GTF2F1: variants seen among roughly 807,000 people sequenced by gnomAD.
GTF2F1 encodes general transcription factor IIF 74 kDa subunit.
GTF2F1 carries 39 observed loss-of-function variants against 63.5 expected under a neutral mutation model. The observed-to-expected ratio is 0.61, with a 90% CI of 0.48 to 0.80. The LOEUF is 0.80. Ranked by LOEUF, GTF2F1 falls within the 30% of genes least tolerant of loss-of-function variation. The pLI, the probability that GTF2F1 is intolerant of heterozygous loss-of-function variation, is 0.00. For synonymous variants in GTF2F1, 287 were observed against 285.3 expected, an observed-to-expected ratio of 1.01 and a Z score of -0.06; for missense variants, 657 against 718.3, an observed-to-expected ratio of 0.91 and a Z score of 0.97.
chr19:6,389,945 A>G (rs1295240934), intron 3 of GTF2F1, among the ~76,000 whole-genome samples: 1 of 152,258 alleles, frequency 6.6e-6, no homozygotes, highest in African/African-American at 2.4e-5. Context: ...TGAGGAATGT[A>G]GAAGTAATTA....
rs776078092 is a variant in GTF2F1 at position 6,380,911 on chromosome 19, G to A, written c.1224C>T (p.Leu408=). The part of the protein sequence containing the change: ...SSTLRAAASK[L]EQGKRVSEMP... ...GAGGCCACGGGCACTCACCTTGCTC[G>A]AGTTTGCTGGCAGCCGCCCGCAGGG... Residue 408 remains leucine, a synonymous_variant, in exon 11 of 13, where the codon CTC becomes CTT. Coordinates refer to ENST00000394456, the MANE Select transcript of GTF2F1 (RefSeq NM_002096.3). The surrounding 1 kb of genome is among the most constrained non-coding windows in gnomAD (Gnocchi z 5.3). 8 of 1,563,444 alleles carry A rather than the reference G, an allele frequency of 5.1e-6. No individual in the cohort carries two copies. The highest frequency in any genetic ancestry group is 3.5e-5 in the South Asian group (3 of 85,708).
chr19:6,382,648 A>G (rs1258892685), intron 6 of GTF2F1, among the ~76,000 whole-genome samples: 1 of 141,730 alleles, frequency 7.1e-6, no homozygotes, highest in Non-Finnish European at 1.5e-5. Context: ...AAAAAAAAAA[A>G]TTAGCCGGGT....
intron 2 of GTF2F1, among the ~76,000 whole-genome samples, 192 bp downstream of exon 2, chr19:6,392,665 A>T (rs1182985319): frequency 2.0e-5 from 3 of 152,196 alleles, no homozygotes; most frequent in Non-Finnish European, 4.4e-5. Flanking sequence ...TAATGCACTC[A>T]TTCATTCATT....
In GTF2F1 at chr19:6,379,918, G is replaced by A. The variant is rs1422292386; in HGVS notation, c.*363C>T. ...ACTTACTGGGCTATGTGGTGGATAA[G>A]TCACAGCTGAAGAGAGACTTAGGGA... On this transcript the variant is annotated 3_prime_UTR_variant, in exon 13 of 13. Coordinates refer to ENST00000394456, the MANE Select transcript of GTF2F1 (RefSeq NM_002096.3). The A allele has an allele frequency of 6.2e-6, 2 of 323,960 alleles. No individual in the cohort carries two copies. The highest frequency in any genetic ancestry group is 4.2e-5 in the African/African-American group (2 of 47,204). 20.1% of individuals were successfully genotyped at this position (323,960 alleles called of 1,614,324 possible).
intron 3 of GTF2F1, among the ~76,000 whole-genome samples, chr19:6,391,439 GTTTTTTTTTTTT>G (rs11340944): frequency 0.014 from 1,264 of 87,324 alleles, 20 homozygotes; most frequent in African/African-American, 0.04. Flanking sequence ...TGCCATTTCC[GTTTTTTTTTTTT>G]TTTTTTTTTT....
In GTF2F1 at chr19:6,383,297, G is replaced by A. The variant is rs2091960768; in HGVS notation, c.682+14C>T. 1.2e-6 allele frequency: 2 copies of A among 1,611,958 alleles called. No individual in the cohort carries two copies. Among genetic ancestry groups the A allele is most frequent in the Non-Finnish European group, 8.5e-7 (1 of 1,178,864 alleles). On this transcript the variant is annotated intron_variant, in intron 6 of 12. Transcript: ENST00000394456. This position sits in a 1 kb window ranked among gnomAD's most constrained non-coding sequence, Gnocchi z 4.5. ...GGCACCTCTGTGACCTAATGCCCAG[G>A]CGCCCGTACTCACCCTCCTCACCAC...
chr19:6,383,428 C>CGTCCTG lies in GTF2F1; in HGVS notation c.559_564dup (p.Gln187_Asp188dup). 1 of 1,614,234 alleles carries CGTCCTG rather than the reference C, an allele frequency of 6.2e-7. No homozygotes were observed. Among genetic ancestry groups the CGTCCTG allele is most frequent in the Non-Finnish European group, 8.5e-7 (1 of 1,180,034 alleles). On this transcript the variant is annotated inframe_insertion, in exon 6 of 13. Coordinates refer to ENST00000394456, the MANE Select transcript of GTF2F1 (RefSeq NM_002096.3). This position sits in a 1 kb window ranked among gnomAD's most constrained non-coding sequence, Gnocchi z 4.5. The stretch of plus-strand genomic sequence containing the variant: ...CGTTTCTCCTTCTCCTCCTCATCCT[C>CGTCCTG]GTCCTGGTCCTGATCCTTGAGCCGC...
Position 6,380,699 on chromosome 19 carries a change from G to A in GTF2F1, c.1232-9C>T. 1 of 1,608,890 alleles carries A rather than the reference G, an allele frequency of 6.2e-7. No individual in the cohort carries two copies. Among genetic ancestry groups the A allele is most frequent in the South Asian group, 1.1e-5 (1 of 91,046 alleles). On this transcript the variant is annotated splice_polypyrimidine_tract_variant and intron_variant, in intron 11 of 12. Transcript: ENST00000394456. The surrounding 1 kb of genome is among the most constrained non-coding windows in gnomAD (Gnocchi z 5.3). ...CTCGCTCACCCGCTTCCCTGTGGGAGTGGGGTCAGGGCTGAGTCTTGCAGG... is the reference window on the plus strand; with the variant it reads ...CTCGCTCACCCGCTTCCCTGTGGGAATGGGGTCAGGGCTGAGTCTTGCAGG...
rs779139986 is a variant in GTF2F1 at position 6,392,887 on chromosome 19, T to A, written c.29A>T (p.Asn10Ile). Residue 10 changes from asparagine (N) to isoleucine (I), a missense_variant, in exon 2 of 13, where the codon AAT becomes ATT. Asn to Ile is a moderately radical substitution (Grantham distance 149). Coordinates refer to ENST00000394456, the MANE Select transcript of GTF2F1 (RefSeq NM_002096.3). MAALGPSSQ[N>I]VTEYVVRVPK... ...AACTCGAACGACGTATTCAGTGACA[T>A]TCTGGCTGCTAGGGCCCTGCGGAAA... The A allele has an allele frequency of 6.2e-7, 1 of 1,614,132 alleles. No homozygotes were observed. The highest frequency in any genetic ancestry group is 2.2e-5 in the East Asian group (1 of 44,874).
intron 4 of GTF2F1, among the ~76,000 whole-genome samples, chr19:6,388,450 C>G (rs1054478129): frequency 2.0e-5 from 3 of 152,206 alleles, no homozygotes; most frequent in African/African-American, 7.2e-5. Flanking sequence ...CTGTGTCTGT[C>G]ACTATCACCC....
chr19:6,385,324 C>G (rs546547774), intron 5 of GTF2F1, among the ~76,000 whole-genome samples: 1 of 133,852 alleles, frequency 7.5e-6, no homozygotes, highest in South Asian at 2.4e-4. Context: ...CCCAGGAGGT[C>G]GAGGTTGCAA....
At chr19:6,384,055 C>T (rs144149482) in intron 5 of GTF2F1, among the ~76,000 whole-genome samples, 1 of 151,418 alleles carries the variant, frequency 6.6e-6, no homozygotes, top group East Asian at 2.0e-4. Context: ...TCCACCTTGG[C>T]CTCCCAAAGT....
Position 6,383,433 on chromosome 19 carries a change from T to TG in GTF2F1, c.559dup (p.Gln187ProfsTer5), listed in dbSNP as rs1179129066. The stretch of plus-strand genomic sequence containing the variant: ...CTCCTTCTCCTCCTCATCCTCGTCC[T>TG]GGTCCTGATCCTTGAGCCGCCGCTG... On this transcript the variant is annotated frameshift_variant, in exon 6 of 13. Coordinates refer to ENST00000394456, the MANE Select transcript of GTF2F1 (RefSeq NM_002096.3). LOFTEE classifies it high-confidence loss of function. This position sits in a 1 kb window ranked among gnomAD's most constrained non-coding sequence, Gnocchi z 4.5. 1 of 1,614,230 alleles carries TG rather than the reference T, an allele frequency of 6.2e-7. No individual in the cohort carries two copies. The highest frequency in any genetic ancestry group is 8.5e-7 in the Non-Finnish European group (1 of 1,180,042).
chr19:6,389,474 A>AGG lies in GTF2F1; in HGVS notation c.295_296insCC (p.Leu99ProfsTer21). 1 of 1,614,122 alleles carries AGG rather than the reference A, an allele frequency of 6.2e-7. No individual in the cohort carries two copies. Among genetic ancestry groups the AGG allele is most frequent in the Non-Finnish European group, 8.5e-7 (1 of 1,179,994 alleles). ...GCCTGATTTGCCGTTGACCCGGAGC[A>AGG]GCCAGGGCTGGTCCTCGGGCCGGAA... On this transcript the variant is annotated frameshift_variant, in exon 4 of 13. Coordinates refer to ENST00000394456, the MANE Select transcript of GTF2F1 (RefSeq NM_002096.3). LOFTEE classifies it high-confidence loss of function.
intron 3 of GTF2F1, 180 bp from the exon 4 acceptor site, chr19:6,389,817 G>A (rs184570443): frequency 4.3e-5 from 24 of 555,558 alleles, no homozygotes; most frequent in African/African-American, 1.7e-4. Context: ...GAATTTGGGC[G>A]AGCCTTGCGC....
At chr19:6,392,933 G>A (rs779418102) in intron 1 of GTF2F1, 30 bp from the exon 2 acceptor site, 2 of 1,613,958 alleles carry the variant, frequency 1.2e-6, no homozygotes, top group Non-Finnish European at 1.7e-6. Flanking sequence ...TGAGTGAGGG[G>A]TCGCCGAGGT....
At position 6,383,600 on chromosome 19, in the gene GTF2F1, A is replaced by T. The variant is rs2091963387; in HGVS notation, c.498-105T>A. ...CACCACCCACATAGCCTTCAAGGTG[A>T]TGTGGCCCCCGGGGACTTGGGCTGT... is the stretch of plus-strand genomic sequence containing the variant. On this transcript the variant is annotated intron_variant, in intron 5 of 12. Transcript: ENST00000394456. This position sits in a 1 kb window ranked among gnomAD's most constrained non-coding sequence, Gnocchi z 4.5. 6 of 1,231,152 alleles carry T rather than the reference A, an allele frequency of 4.9e-6. No individual in the cohort carries two copies. Among genetic ancestry groups the T allele is most frequent in the Non-Finnish European group, 6.9e-6 (6 of 870,976 alleles). The allele number at this position is 1,231,152 out of a possible 1,614,324, so 76.3% of individuals were successfully genotyped here. A position where few individuals can be genotyped will look rare whatever the true frequency, so the allele number is the denominator to read the frequency against.
In GTF2F1 at chr19:6,380,255, G is replaced by T. The variant is rs748734190; in HGVS notation, c.*26C>A. ...GCAGTGAGAGCCTTAAGTTCTGGGG[G>T]GCAGAGCCATGTATTGGACCAAGCC... On this transcript the variant is annotated 3_prime_UTR_variant, in exon 13 of 13. Coordinates refer to ENST00000394456, the MANE Select transcript of GTF2F1 (RefSeq NM_002096.3). This position sits in a 1 kb window ranked among gnomAD's most constrained non-coding sequence, Gnocchi z 5.3. 2.6e-5 allele frequency: 42 copies of T among 1,587,792 alleles called. No homozygotes were observed. The highest frequency in any genetic ancestry group is 3.6e-5 in the Non-Finnish European group (42 of 1,155,992).
rs751130600 is a variant in GTF2F1, at chr19:6,381,814, A to G, written c.719T>C (p.Leu240Pro). The G allele has an allele frequency of 6.2e-7, 1 of 1,613,606 alleles. No individual in the cohort carries two copies. Among genetic ancestry groups the G allele is most frequent in the East Asian group, 2.2e-5 (1 of 44,864 alleles). The change falls in exon 7 of 13, where the codon CTG (leucine) becomes CCG (proline). Residue 240 changes from leucine (L) to proline (P), a missense_variant. Leu to Pro is a moderately conservative substitution (Grantham distance 98). Coordinates refer to ENST00000394456, the MANE Select transcript of GTF2F1 (RefSeq NM_002096.3). This position sits in a 1 kb window ranked among gnomAD's most constrained non-coding sequence, Gnocchi z 4.1. Reference protein sequence around the residue: ...RVPKAKKKAPLAKGGRKKKKK... With the variant: ...RVPKAKKKAPPAKGGRKKKKK... ...CTTCTTTTTCCTGCCGCCCTTGGCC[A>G]GCGGCGCCTTCTTCTTGGCCTTGGG...
Sources: allele counts gnomAD v4.1 joint callset (sites outside exome capture counted in the v4.1 genomes callset), GRCh38; gene constraint gnomAD v4.1.1; non-coding constraint Gnocchi (gnomAD v3.1); transcripts MANE v1.5; gene names NCBI Gene and HGNC (gene_info 2026-07-23, HGNC 2026-07-21).